SLC5A1: variants seen among roughly 807,000 people sequenced by gnomAD.
SLC5A1 encodes sodium/glucose cotransporter 1.
A neutral mutation model predicts 73.5 loss-of-function variants in SLC5A1; 42 were observed. That is an observed-to-expected ratio of 0.57 (90% CI 0.45 to 0.74). The LOEUF (loss-of-function observed/expected upper bound fraction) is 0.74. Ranked by LOEUF, SLC5A1 falls within the 30% of genes least tolerant of loss-of-function variation. The probability of loss-of-function intolerance (pLI) is 0.00; values close to 1 mark genes in which losing one functional copy is unlikely to be tolerated. For synonymous variants in SLC5A1, 300 were observed against 317.4 expected, an observed-to-expected ratio of 0.95 and a Z score of 0.58; for missense variants, 634 against 855.4, an observed-to-expected ratio of 0.74 and a Z score of 3.23.
At chr22:32,066,200 G>T (rs1186281503) in intron 2 of SLC5A1, among the ~76,000 whole-genome samples, 8 of 152,078 alleles carry the variant, frequency 5.3e-5, no homozygotes, top group Admixed American at 5.2e-4. Flanking sequence ...TTTGATACAT[G>T]TGCTTCCAAT....
In SLC5A1 at chr22:32,056,437, C is replaced by CTTT. The variant is rs35843263; in HGVS notation, c.207+6440_207+6442dup. Among the ~76,000 whole-genome samples the CTTT allele has an allele frequency of 2.8e-3, 337 of 121,598 alleles. 7 individuals are homozygous for CTTT. Among genetic ancestry groups the CTTT allele is most frequent in the Middle Eastern group, 8.8e-3 (2 of 226 alleles). 79.8% of individuals were successfully genotyped at this position (121,598 alleles called of 152,430 possible). A position where few individuals can be genotyped will look rare whatever the true frequency, so the allele number is the denominator to read the frequency against. On this transcript the variant is annotated intron_variant, in intron 2 of 14. Coordinates refer to ENST00000266088, the MANE Select transcript of SLC5A1 (RefSeq NM_000343.4). ...AGGCAAACAATACATACCTTCCTGT[C>CTTT]TTTTTTTTTTTTTTTTTTTAGCATA...
intron 6 of SLC5A1, 40 bp downstream of exon 6, chr22:32,082,011 C>T (rs749065887): frequency 7.2e-6 from 9 of 1,254,148 alleles, no homozygotes; most frequent in East Asian, 2.3e-5. Context: ...AAACCCAGCT[C>T]GGGATCAGGC....
intron 12 of SLC5A1, among the ~76,000 whole-genome samples, chr22:32,101,531 T>C (rs977195909): frequency 1.3e-5 from 2 of 152,214 alleles, no homozygotes; most frequent in Non-Finnish European, 2.9e-5. Flanking sequence ...GATGGAAAAG[T>C]TTCTTTCTCC....
At chr22:32,081,792 GGAGTA>G (rs1275682499) in intron 5 of SLC5A1, 69 bp from the exon 6 acceptor site, 4 of 881,078 alleles carry the variant, frequency 4.5e-6, no homozygotes, top group Non-Finnish European at 7.8e-6. Context: ...TGGAAAATCA[GGAGTA>G]GAGAGACTAC....
chr22:32,050,220 T>TA (rs958073516), intron 2 of SLC5A1, among the ~76,000 whole-genome samples: 1 of 152,194 alleles, frequency 6.6e-6, no homozygotes, highest in Non-Finnish European at 1.5e-5. Context: ...AAATCACCCT[T>TA]AGAGTCCTTC....
intron 2 of SLC5A1, among the ~76,000 whole-genome samples, chr22:32,052,529 G>A (rs999577605): frequency 4.6e-5 from 7 of 152,076 alleles, no homozygotes; most frequent in African/African-American, 1.7e-4. Flanking sequence ...AGAGAGGCAG[G>A]GATGCACTCC....
chr22:32,092,191 T>C (rs1421538414), intron 11 of SLC5A1, among the ~76,000 whole-genome samples: 1 of 152,182 alleles, frequency 6.6e-6, no homozygotes, highest in Non-Finnish European at 1.5e-5. Context: ...AGTGAGAACA[T>C]ATGATGTTTG....
At chr22:32,107,834 T>C (rs1248134062) in intron 14 of SLC5A1, among the ~76,000 whole-genome samples, 1 of 152,156 alleles carries the variant, frequency 6.6e-6, no homozygotes. Flanking sequence ...TTACAGACCA[T>C]GAATGTCACA....
intron 2 of SLC5A1, among the ~76,000 whole-genome samples, chr22:32,058,221 G>A (rs939229366): frequency 6.6e-6 from 1 of 152,082 alleles, no homozygotes; most frequent in African/African-American, 2.4e-5. Context: ...TTTAATGGCT[G>A]CACACTATTC....
rs1416256407 is a variant in SLC5A1, at chr22:32,112,551, C to T, written c.*2338C>T. 6.6e-6 allele frequency: 1 copy of T among 152,186 alleles called. No homozygotes were observed. Among genetic ancestry groups the T allele is most frequent in the Non-Finnish European group, 1.5e-5 (1 of 68,044 alleles). 9.4% of individuals were successfully genotyped at this position (152,186 alleles called of 1,614,324 possible). A position where few individuals can be genotyped will look rare whatever the true frequency, so the allele number is the denominator to read the frequency against. On this transcript the variant is annotated 3_prime_UTR_variant, in exon 15 of 15. Transcript: ENST00000266088. The stretch of plus-strand genomic sequence containing the variant: ...CACCTGTGAGACTGACTTTGAGAAC[C>T]AGTGTGGGTGGGGAGTTGTGCATAT...
intron 11 of SLC5A1, among the ~76,000 whole-genome samples, 159 bp from the exon 12 acceptor site, chr22:32,099,024 T>C (rs1471203675): frequency 1.4e-5 from 2 of 142,112 alleles, no homozygotes; most frequent in Non-Finnish European, 3.0e-5. Context: ...TGGCAGAGCT[T>C]GCAGTGAGCG....
intron 12 of SLC5A1, among the ~76,000 whole-genome samples, chr22:32,100,336 C>T (rs2094034170): frequency 6.6e-6 from 1 of 152,164 alleles, no homozygotes; most frequent in Non-Finnish European, 1.5e-5. Flanking sequence ...TTTTCTCTTG[C>T]CTAACTGCGC....
chr22:32,076,265 C>T (rs890158157), intron 5 of SLC5A1, among the ~76,000 whole-genome samples: 2 of 152,212 alleles, frequency 1.3e-5, no homozygotes, highest in African/African-American at 2.4e-5. Context: ...CTTTTGGTCA[C>T]GTATTTTTGG....
intron 1 of SLC5A1, among the ~76,000 whole-genome samples, chr22:32,049,114 T>G (rs1331331111): frequency 3.5e-5 from 5 of 142,398 alleles, no homozygotes; most frequent in Admixed American, 2.1e-4. Flanking sequence ...ATATATATAA[T>G]CATTATATAT....
rs201764381 is a variant in SLC5A1, at chr22:32,102,129, G to T, written c.1557G>T (p.Thr519=). ...GCATGGAGCCCAGCAACTGTCCCAC[G>T]ATTATCTGTGGGGTGCACTACTTGT... ...GSCMEPSNCP[T]IICGVHYLYF... is the part of the protein sequence containing the mutation. The change falls in exon 13 of 15, where the codon ACG becomes ACT. Residue 519 remains threonine, a synonymous_variant. Coordinates refer to ENST00000266088, the MANE Select transcript of SLC5A1 (RefSeq NM_000343.4). 6.2e-7 allele frequency: 1 copy of T among 1,613,412 alleles called. No homozygotes were observed. Among genetic ancestry groups the T allele is most frequent in the East Asian group, 2.2e-5 (1 of 44,870 alleles).
At chr22:32,052,906 A>G (rs2093946920) in intron 2 of SLC5A1, among the ~76,000 whole-genome samples, 1 of 152,326 alleles carries the variant, frequency 6.6e-6, no homozygotes, top group East Asian at 1.9e-4. Context: ...GGGGCCACAC[A>G]GTATAGACAG....
At chr22:32,088,520 G>A (rs1037153470) in intron 10 of SLC5A1, among the ~76,000 whole-genome samples, 9 of 151,876 alleles carry the variant, frequency 5.9e-5, no homozygotes, top group African/African-American at 1.7e-4. Flanking sequence ...TGTATTTTTA[G>A]TACAGACGGG....
At chr22:32,084,716 T>C in intron 8 of SLC5A1, 57 bp downstream of exon 8, 2 of 1,548,928 alleles carry the variant, frequency 1.3e-6, no homozygotes, top group Non-Finnish European at 1.8e-6. Context: ...CTACAGGAAC[T>C]CCTGTCTGTC....
chr22:32,061,722 A>G (rs1248812300), intron 2 of SLC5A1, among the ~76,000 whole-genome samples: 1 of 152,224 alleles, frequency 6.6e-6, no homozygotes, highest in Non-Finnish European at 1.5e-5. Flanking sequence ...CGTACTGCCA[A>G]GAACTCATGG....
Sources: allele counts gnomAD v4.1 joint callset (sites outside exome capture counted in the v4.1 genomes callset), GRCh38; gene constraint gnomAD v4.1.1; transcripts MANE v1.5; gene names NCBI Gene and HGNC (gene_info 2026-07-23, HGNC 2026-07-21).